EPHB1: variants seen among roughly 807,000 people sequenced by gnomAD.
The protein encoded by EPHB1 is ephrin type-B receptor 1.
A neutral mutation model predicts 94.4 loss-of-function variants in EPHB1; 30 were observed. The ratio of observed to expected loss-of-function variants is 0.32; its 90% CI spans 0.24 to 0.43. EPHB1 has a LOEUF of 0.43. EPHB1 is among the 20% of genes least tolerant of loss of function. The pLI, the probability that EPHB1 is intolerant of heterozygous loss-of-function variation, is 1.00. For missense variants in EPHB1, 1,055 were observed against 1,308.3 expected, an observed-to-expected ratio of 0.81 and a Z score of 2.99; for synonymous variants, 522 against 489.1, an observed-to-expected ratio of 1.07 and a Z score of -0.89.
At chr3:134,877,206 C>T (rs2037634070) in intron 1 of EPHB1, among the ~76,000 whole-genome samples, 1 of 152,184 alleles carries the variant, frequency 6.6e-6, no homozygotes, top group Admixed American at 6.5e-5. Context: ...GGAAGATCCA[C>T]CATTCAGGGT....
At chr3:134,990,556 C>CT (rs1198443986) in intron 3 of EPHB1, among the ~76,000 whole-genome samples, 1 of 152,002 alleles carries the variant, frequency 6.6e-6, no homozygotes, top group Non-Finnish European at 1.5e-5. Flanking sequence ...TTAGCCATTT[C>CT]TTTTTTATTT....
At chr3:135,212,888 A>G (rs1943063647) in intron 12 of EPHB1, among the ~76,000 whole-genome samples, 1 of 152,172 alleles carries the variant, frequency 6.6e-6, no homozygotes, top group African/African-American at 2.4e-5. Flanking sequence ...TTTGTTAGAA[A>G]CATACTGGAC....
chr3:134,973,580 C>T (rs1193491553), intron 3 of EPHB1, among the ~76,000 whole-genome samples: 1 of 151,872 alleles, frequency 6.6e-6, no homozygotes, highest in African/African-American at 2.4e-5. Context: ...TACAGGCATG[C>T]ACCACCATGC....
At chr3:135,185,608 C>T (rs1258808951) in intron 10 of EPHB1, among the ~76,000 whole-genome samples, 1 of 152,140 alleles carries the variant, frequency 6.6e-6, no homozygotes, top group Non-Finnish European at 1.5e-5. Flanking sequence ...GATAGCTTGC[C>T]GAAGGCTGTG....
In EPHB1 at chr3:135,259,902, G is replaced by A. The variant is rs574584048; in HGVS notation, c.*782G>A. 114 of 229,070 alleles carry A rather than the reference G, an allele frequency of 5.0e-4. No individual in the cohort carries two copies. The highest frequency in any genetic ancestry group is 2.3e-3 in the African/African-American group (106 of 45,220). The allele number at this position is 229,070 out of a possible 1,614,324, so 14.2% of individuals were successfully genotyped here. On this transcript the variant is annotated 3_prime_UTR_variant, in exon 16 of 16. Coordinates refer to ENST00000398015, the MANE Select transcript of EPHB1 (RefSeq NM_004441.5). ...ATGACTGTGCTTGTTCGTAACAGAT[G>A]CAAACAAGAAAGAAGAACTGGGAAG...
chr3:134,918,022 G>GAACCCAGATCTTCAGGGTTTA (rs1353807787), intron 1 of EPHB1, among the ~76,000 whole-genome samples: 15 of 152,352 alleles, frequency 9.8e-5, no homozygotes, highest in African/African-American at 3.4e-4. Flanking sequence ...GCTGGGGTTT[G>GAACCCAGATCTTCAGGGTTTA]AACCCAGATC....
intron 3 of EPHB1, among the ~76,000 whole-genome samples, chr3:135,069,539 A>T (rs1937636415): frequency 6.6e-6 from 1 of 152,178 alleles, no homozygotes; most frequent in African/African-American, 2.4e-5. Context: ...TGTGCTTGCA[A>T]GCCGGCTTCA....
At chr3:134,876,966 A>G (rs1477455617) in intron 1 of EPHB1, among the ~76,000 whole-genome samples, 2 of 152,188 alleles carry the variant, frequency 1.3e-5, no homozygotes, top group African/African-American at 4.8e-5. Context: ...CCTCATGCAC[A>G]TGTGTTACAT....
chr3:134,818,187 T>G (rs903930827), intron 1 of EPHB1, among the ~76,000 whole-genome samples: 2 of 152,146 alleles, frequency 1.3e-5, no homozygotes, highest in Admixed American at 6.5e-5. Flanking sequence ...GAATTCACTT[T>G]CTCTACCCTA....
At chr3:135,045,523 A>T (rs1478850515) in intron 3 of EPHB1, among the ~76,000 whole-genome samples, 1 of 152,252 alleles carries the variant, frequency 6.6e-6, no homozygotes, top group Non-Finnish European at 1.5e-5. Context: ...TTCCTGAAAT[A>T]ACAATAAACA....
intron 8 of EPHB1, 35 bp downstream of exon 8, chr3:135,166,111 C>T (rs1434171520): frequency 6.5e-7 from 1 of 1,528,848 alleles, no homozygotes; most frequent in Non-Finnish European, 9.1e-7. Flanking sequence ...CTCCTTGGAC[C>T]CAGGAAGCCC....
chr3:134,859,631 C>A (rs764562777), intron 1 of EPHB1, among the ~76,000 whole-genome samples: 1 of 152,198 alleles, frequency 6.6e-6, no homozygotes, highest in African/African-American at 2.4e-5. Flanking sequence ...AGCTTCAAGA[C>A]CCTGGCTTCT....
chr3:135,060,480 A>G (rs765446293), intron 3 of EPHB1, among the ~76,000 whole-genome samples: 3 of 152,220 alleles, frequency 2.0e-5, no homozygotes, highest in Non-Finnish European at 2.9e-5. Context: ...TAATGCTACT[A>G]CAAGTATTTA....
intron 3 of EPHB1, chr3:135,067,675 C>T (rs560024859): frequency 2.0e-5 from 3 of 152,366 alleles, no homozygotes; most frequent in East Asian, 1.9e-4. Context: ...ATGCCAGATT[C>T]GCACCCTCCC....
chr3:135,206,335 G>A (rs1013558913), intron 12 of EPHB1, among the ~76,000 whole-genome samples: 6 of 152,098 alleles, frequency 3.9e-5, no homozygotes, highest in African/African-American at 7.2e-5. Context: ...TTTTGTTCAG[G>A]TGAACAATTA....
At chr3:135,123,210 C>G (rs1027287256) in intron 4 of EPHB1, among the ~76,000 whole-genome samples, 2 of 152,196 alleles carry the variant, frequency 1.3e-5, no homozygotes, top group South Asian at 4.1e-4. Context: ...TTTCTTTATA[C>G]TCTGAGCTAG....
intron 12 of EPHB1, among the ~76,000 whole-genome samples, chr3:135,203,392 A>G (rs1942809249): frequency 6.6e-6 from 1 of 152,234 alleles, no homozygotes; most frequent in South Asian, 2.1e-4. Context: ...CTGTGTGTGT[A>G]TCCCAGAACT....
At chr3:134,829,421 A>G (rs937451059) in intron 1 of EPHB1, among the ~76,000 whole-genome samples, 2 of 152,174 alleles carry the variant, frequency 1.3e-5, no homozygotes, top group African/African-American at 4.8e-5. Context: ...GTACCTCTCA[A>G]AAGCTGTTTG....
intron 1 of EPHB1, among the ~76,000 whole-genome samples, chr3:134,906,347 G>C (rs572628823): frequency 1.3e-5 from 2 of 152,236 alleles, no homozygotes; most frequent in African/African-American, 4.8e-5. Context: ...TTTGTTCATT[G>C]AGTATCCTCT....
Sources: gnomAD v4.1 joint callset for allele counts (sites outside exome capture counted in the v4.1 genomes callset) on GRCh38, gnomAD v4.1.1 for gene constraint, MANE v1.5 for transcripts, NCBI Gene and HGNC (gene_info 2026-07-23, HGNC 2026-07-21) for gene names.